The following TFRC variants were observed in gnomAD, a reference collection of about 807,000 sequenced individuals.
TFRC encodes the protein transferrin receptor, also known as transferrin receptor protein 1.
Under a neutral mutation model 85.8 loss-of-function variants are expected in TFRC, and 35 were observed. The ratio of observed to expected loss-of-function variants is 0.41; its 90% CI spans 0.31 to 0.54. TFRC has a LOEUF of 0.54. Among genes scored for constraint, TFRC ranks in the 20% least tolerant of loss-of-function variants. The pLI is 0.31. For synonymous variants in TFRC, 362 were observed against 328.6 expected, an observed-to-expected ratio of 1.10 and a Z score of -1.10; for missense variants, 828 against 921.5, an observed-to-expected ratio of 0.90 and a Z score of 1.31.
At position 196,075,297 on chromosome 3, in the gene TFRC, T is replaced by C; in HGVS notation, c.100A>G (p.Ser34Gly). ...ACAGCAAGTTTCATCTCCACATGACTGTTATCGCCATCTACTTGCCGAGCC... is the reference window on the plus strand; with the variant it reads ...ACAGCAAGTTTCATCTCCACATGACCGTTATCGCCATCTACTTGCCGAGCC... ...SLARQVDGDN[S>G]HVEMKLAVDE... The change falls in exon 3 of 19, where the codon AGT (serine) becomes GGT (glycine). Residue 34 changes from serine to glycine, a missense_variant. Physicochemically the swap from Ser to Gly is moderately conservative, Grantham distance 56 (BLOSUM62 0). Transcript: ENST00000360110. 1 of 1,614,162 alleles carries C rather than the reference T, an allele frequency of 6.2e-7. No individual in the cohort carries two copies. Among genetic ancestry groups the C allele is most frequent in the East Asian group, 2.2e-5 (1 of 44,886 alleles).
chr3:196,052,035 C>A lies in TFRC; in HGVS notation c.2190G>T (p.Leu730=). The A allele has an allele frequency of 6.2e-7, 1 of 1,614,164 alleles. No individual in the cohort carries two copies. ...TAGCTAGAGCCAACTGGTTTCTGAA[C>A]AGCGTTTCATTAAAAGCACCGTTAT... ...KQNNGAFNET[L]FRNQLALATW... Residue 730 remains leucine (L), a synonymous_variant, in exon 19 of 19, where the codon CTG becomes CTT. Transcript: ENST00000360110.
Position 196,071,507 on chromosome 3 carries a change from A to G in TFRC, c.585-9T>C. On this transcript the variant is annotated splice_polypyrimidine_tract_variant and intron_variant, in intron 5 of 18. Transcript: ENST00000360110. ...TCACCGAGTTTTGAGCGCTGTTAAA[A>G]AGATTAAGTTAAAATAAGCCTAAGG... 2 of 1,613,456 alleles carry G rather than the reference A, an allele frequency of 1.2e-6. No homozygotes were observed. Among genetic ancestry groups the G allele is most frequent in the Middle Eastern group, 1.7e-4 (1 of 6,060 alleles).
chr3:196,055,352 G>T, intron 16 of TFRC, 51 bp from the exon 17 acceptor site: 1 of 1,499,140 alleles, frequency 6.7e-7, no homozygotes, highest in Non-Finnish European at 9.3e-7. Context: ...AAGAGCAAGA[G>T]CCTCACATTC....
rs560570167 is a variant in TFRC, at chr3:196,059,325, AAAACAAAC to A, written c.1537-701_1537-694del. Among the ~76,000 whole-genome samples the A allele has an allele frequency of 8.6e-3, 1,310 of 152,214 alleles. 9 individuals are homozygous for A. The highest frequency in any genetic ancestry group is 0.015 in the Non-Finnish European group (1,012 of 67,996). ...GAAGACAGAGGAAGACTCCATCTCAAAAACAAACAAACAAACAAACAAAACCATGGTGG... is the reference window on the plus strand; with the variant it reads ...GAAGACAGAGGAAGACTCCATCTCAAAAACAAACAAACAAAACCATGGTGG... On this transcript the variant is annotated intron_variant, in intron 14 of 18. Coordinates refer to ENST00000360110, the MANE Select transcript of TFRC (RefSeq NM_001128148.3).
chr3:196,077,158 C>T (rs1165619465), intron 1 of TFRC, 36 bp from the exon 2 acceptor site: 5 of 1,475,806 alleles, frequency 3.4e-6, no homozygotes, highest in East Asian at 4.5e-5. Flanking sequence ...GAGAAAGATA[C>T]TACTGTATCA....
At position 196,073,910 on chromosome 3, in the gene TFRC, G is replaced by C. The variant is rs564762844; in HGVS notation, c.434+20C>G. On this transcript the variant is annotated intron_variant, in intron 4 of 18. Transcript: ENST00000360110. ...TCTTGAATTACTTGTCTAGATACTT[G>C]CACAGCAGCTGGCACTCACTTGATG... The C allele has an allele frequency of 6.2e-7, 1 of 1,603,854 alleles. No homozygotes were observed. The highest frequency in any genetic ancestry group is 1.7e-5 in the Admixed American group (1 of 58,882).
chr3:196,073,850 GT>G, intron 4 of TFRC, 79 bp downstream of exon 4: 2 of 1,404,798 alleles, frequency 1.4e-6, no homozygotes, highest in Non-Finnish European at 1.9e-6. Context: ...TCCCCACAGT[GT>G]CACCATTATT....
Position 196,062,836 on chromosome 3 carries a change from A to T in TFRC, c.1404+18T>A. Reference sequence around the variant, plus strand: ...CCACAAGCTCGTGTCCAATATGGGAAGGGATGATAAAGAATACCTCTAGCC... The same window carrying T: ...CCACAAGCTCGTGTCCAATATGGGATGGGATGATAAAGAATACCTCTAGCC... On this transcript the variant is annotated intron_variant, in intron 12 of 18. Transcript: ENST00000360110. 6.2e-7 allele frequency: 1 copy of T among 1,612,554 alleles called. No homozygotes were observed. The highest frequency in any genetic ancestry group is 8.5e-7 in the Non-Finnish European group (1 of 1,178,532).
At chr3:196,065,956 T>A (rs918533443) in intron 9 of TFRC, among the ~76,000 whole-genome samples, 4 of 149,562 alleles carry the variant, frequency 2.7e-5, no homozygotes, top group African/African-American at 9.8e-5. Context: ...GCCACTGCAC[T>A]CCAGCCTGGG....
chr3:196,062,558 A>G, intron 13 of TFRC, 24 bp downstream of exon 13: 1 of 1,592,998 alleles, frequency 6.3e-7, no homozygotes, highest in Admixed American at 1.8e-5. Context: ...GAATTCATAC[A>G]CAGCTAATGA....
chr3:196,055,429 T>C (rs1716700419), intron 16 of TFRC, 128 bp from the exon 17 acceptor site: 2 of 713,612 alleles, frequency 2.8e-6, no homozygotes, highest in Admixed American at 2.3e-5. Context: ...CCTACCGCAA[T>C]TTACCCCAAT....
chr3:196,076,835 G>C (rs144216120), intron 2 of TFRC, among the ~76,000 whole-genome samples: 7 of 152,170 alleles, frequency 4.6e-5, no homozygotes, highest in African/African-American at 1.4e-4. Context: ...AGCTGTCCCC[G>C]TCTACCACAC....
intron 16 of TFRC, chr3:196,055,565 T>C (rs757089597): frequency 3.9e-5 from 20 of 515,914 alleles, no homozygotes; most frequent in South Asian, 8.7e-5. Context: ...ATGCCCTGAA[T>C]AGACTTCTAG....
chr3:196,068,519 G>A (rs1040352435), intron 7 of TFRC, among the ~76,000 whole-genome samples: 4 of 144,784 alleles, frequency 2.8e-5, no homozygotes, highest in Non-Finnish European at 4.5e-5. Flanking sequence ...GCTGAGGCAG[G>A]AGAATCGCTT....
At chr3:196,077,030 T>C (rs1321121341) in intron 2 of TFRC, 34 bp downstream of exon 2, 1 of 1,599,304 alleles carries the variant, frequency 6.3e-7, no homozygotes, top group Admixed American at 1.7e-5. Flanking sequence ...TTCACATTCT[T>C]GCAGACACAG....
chr3:196,061,550 C>T (rs1304087050), intron 13 of TFRC, among the ~76,000 whole-genome samples: 1 of 152,098 alleles, frequency 6.6e-6, no homozygotes. Flanking sequence ...AGGGCAATGG[C>T]GCCATCTTGG....
At chr3:196,063,013 G>T in intron 11 of TFRC, 74 bp from the exon 12 acceptor site, 1 of 1,225,632 alleles carries the variant, frequency 8.2e-7, no homozygotes, top group Non-Finnish European at 1.2e-6. Context: ...TCCCACTTAA[G>T]ATGAATCAGA....
rs2239640 is a variant in TFRC at position 196,062,837 on chromosome 3, G to T, written c.1404+17C>A. On this transcript the variant is annotated intron_variant, in intron 12 of 18. Transcript: ENST00000360110. ...CACAAGCTCGTGTCCAATATGGGAA[G>T]GGATGATAAAGAATACCTCTAGCCA... 0.57 allele frequency: 916,543 copies of T among 1,611,408 alleles called. 270,136 individuals carry two copies. The highest frequency in any genetic ancestry group is 0.66 in the Middle Eastern group (3,998 of 6,060).
At chr3:196,054,407 C>CAAAAAAAAAAAAAAAAAAAAAA (rs1160849553) in intron 17 of TFRC, among the ~76,000 whole-genome samples, 1 of 149,392 alleles carries the variant, frequency 6.7e-6, no homozygotes, top group Non-Finnish European at 1.5e-5. Flanking sequence ...CTTCATCTCT[C>CAAAAAAAAAAAAAAAAAAAAAA]AAAAAAAATA....
Sources: gnomAD v4.1 joint callset for allele counts (sites outside exome capture counted in the v4.1 genomes callset) on GRCh38, gnomAD v4.1.1 for gene constraint, MANE v1.5 for transcripts, NCBI Gene and HGNC (gene_info 2026-07-23, HGNC 2026-07-21) for gene names.